Variants in PIGF observed in about 807,000 individuals in gnomAD.
PIGF encodes GPI ethanolamine phosphate transferase, stabilizing subunit.
Under a neutral mutation model 26.0 loss-of-function variants are expected in PIGF, and 23 were observed. The observed-to-expected ratio is 0.88, with a 90% confidence interval of 0.64 to 1.25. PIGF has a LOEUF of 1.25. Among genes scored for constraint, PIGF ranks in the 50% most tolerant of loss-of-function variants. The pLI, the probability that PIGF is intolerant of heterozygous loss-of-function variation, is 0.00. For missense variants in PIGF, 278 were observed against 249.9 expected (o/e 1.11, Z -0.76); for synonymous variants, 93 against 92.6 (o/e 1.00, Z -0.03).
chr2:46,610,771 C>T (rs1364047127), intron 4 of PIGF, among the ~76,000 whole-genome samples: 1 of 152,074 alleles, frequency 6.6e-6, no homozygotes, highest in Non-Finnish European at 1.5e-5. Context: ...CTCAGGTGAT[C>T]CACCCGCCTT....
At chr2:46,594,536 A>ATT (rs5830911) in intron 4 of PIGF, among the ~76,000 whole-genome samples, 1 of 145,016 alleles carries the variant, frequency 6.9e-6, no homozygotes, top group Non-Finnish European at 1.5e-5. Context: ...CAGAGTTAGG[A>ATT]TTTTTTTTTT....
At chr2:46,605,343 A>T (rs1371043009) in intron 4 of PIGF, among the ~76,000 whole-genome samples, 1 of 152,088 alleles carries the variant, frequency 6.6e-6, no homozygotes, top group East Asian at 1.9e-4. Flanking sequence ...TCAAAGTTCA[A>T]ATTAACTTCA....
intron 4 of PIGF, among the ~76,000 whole-genome samples, chr2:46,596,812 T>G (rs1384587450): frequency 6.6e-6 from 1 of 152,208 alleles, no homozygotes; most frequent in African/African-American, 2.4e-5. Flanking sequence ...TCTACAATGG[T>G]AACATCTCCT....
Position 46,588,295 on chromosome 2 carries a change from T to A in PIGF, c.546+4180A>T. On this transcript the variant is annotated intron_variant, in intron 5 of 5. Transcript: ENST00000281382. This position sits in a 1 kb window ranked among gnomAD's most constrained non-coding sequence, Gnocchi z 4.1. ...TCCACTCTACCAACTGAAAGACTGC[T>A]GGGCAGAAAAAATAAAACAACAAAC... is the stretch of plus-strand genomic sequence containing the variant. 1 of 1,310,198 alleles carries A rather than the reference T, an allele frequency of 7.6e-7. No homozygotes were observed. The highest frequency in any genetic ancestry group is 1.0e-6 in the Non-Finnish European group (1 of 980,378). The allele number at this position is 1,310,198 out of a possible 1,614,324, so 81.2% of individuals were successfully genotyped here.
rs759638044 is a variant in PIGF, at chr2:46,615,152, CG to C, written c.12del (p.Asn4LysfsTer19). The C allele has an allele frequency of 1.2e-5, 18 of 1,494,632 alleles. No homozygotes were observed. The Admixed American group carries it at 3.1e-4, about 25-fold the overall frequency. 92.6% of individuals were successfully genotyped at this position (1,494,632 alleles called of 1,614,324 possible). MKD[N>X]DIKRLLYTHL... is the part of the protein sequence containing the mutation. ...TGGGTATACAGTAGTCTCTTGATAT[CG>C]TTATCTTTCATGGTGTTTTCTTGGA... On this transcript the variant is annotated frameshift_variant, in exon 2 of 6. Transcript: ENST00000281382. LOFTEE classifies it high-confidence loss of function.
intron 5 of PIGF, among the ~76,000 whole-genome samples, chr2:46,586,446 T>C (rs1669574531): frequency 6.6e-6 from 1 of 152,180 alleles, no homozygotes; most frequent in Non-Finnish European, 1.5e-5. Context: ...TCCAATATAA[T>C]AAATATTACT....
At chr2:46,594,982 C>A (rs887565125) in intron 4 of PIGF, among the ~76,000 whole-genome samples, 4 of 151,486 alleles carry the variant, frequency 2.6e-5, no homozygotes, top group South Asian at 2.1e-4. Context: ...TCCCGAATAG[C>A]TGGGATTATA....
intron 4 of PIGF, among the ~76,000 whole-genome samples, chr2:46,594,587 G>A (rs982295720): frequency 4.0e-5 from 6 of 151,006 alleles, no homozygotes; most frequent in Non-Finnish European, 4.4e-5. Context: ...CCAGGCTGGA[G>A]TGTAATAGAG....
At chr2:46,599,687 CTTAA>C (rs1380554023) in intron 4 of PIGF, among the ~76,000 whole-genome samples, 19 of 152,080 alleles carry the variant, frequency 1.2e-4, no homozygotes, top group African/African-American at 4.6e-4. Context: ...CATCTTTGCT[CTTAA>C]TTTATTCAAT....
chr2:46,616,673 C>A (rs1387591811), intron 1 of PIGF: 1 of 155,690 alleles, frequency 6.4e-6, no homozygotes, highest in South Asian at 1.8e-4. Flanking sequence ...CCACCCCAAC[C>A]CGGGTCCCTC....
intron 5 of PIGF, among the ~76,000 whole-genome samples, chr2:46,591,205 T>C (rs962526136): frequency 6.6e-6 from 1 of 152,144 alleles, no homozygotes; most frequent in Non-Finnish European, 1.5e-5. Context: ...TAATCGAATA[T>C]TACATATATG....
At chr2:46,613,024 G>A (rs558318520) in intron 3 of PIGF, among the ~76,000 whole-genome samples, 5 of 148,076 alleles carry the variant, frequency 3.4e-5, no homozygotes, top group Non-Finnish European at 7.5e-5. Context: ...TTTAGTGTGT[G>A]TACGTAAAAC....
Position 46,615,086 on chromosome 2 carries a change from G to A in PIGF, c.79C>T (p.Pro27Ser), listed in dbSNP as rs185833649. 1.9e-4 allele frequency: 304 copies of A among 1,585,812 alleles called. 1 individual carries two copies. In the East Asian group the frequency reaches 3.4e-3, roughly 18 times the overall value. The change falls in exon 2 of 6, where the codon CCA becomes TCA. Residue 27 changes from proline (P) to serine (S), a missense_variant. Pro to Ser is a moderately conservative substitution (Grantham distance 74). Coordinates refer to ENST00000281382, the MANE Select transcript of PIGF (RefSeq NM_002643.4). ...IFSIILSVFIPSLFLENFSIL... is the reference protein window; with the variant it reads ...IFSIILSVFISSLFLENFSIL... The stretch of plus-strand genomic sequence containing the variant: ...GAGAAGTTCTCCAAGAAGAGTGATG[G>A]AATGAAGACACTTAGGATAATTGAA...
At chr2:46,586,188 CAGA>C (rs1230938978) in intron 5 of PIGF, among the ~76,000 whole-genome samples, 1 of 152,180 alleles carries the variant, frequency 6.6e-6, no homozygotes, top group Non-Finnish European at 1.5e-5. Context: ...ATCCTTACCT[CAGA>C]AGGTTACCCT....
chr2:46,586,715 C>T (rs1008052209), intron 5 of PIGF, among the ~76,000 whole-genome samples: 3 of 152,218 alleles, frequency 2.0e-5, no homozygotes, highest in Non-Finnish European at 4.4e-5. Flanking sequence ...TGCTGACCTA[C>T]TGGTTATAAA....
intron 4 of PIGF, among the ~76,000 whole-genome samples, chr2:46,610,003 T>C (rs73926523): frequency 3.3e-4 from 50 of 152,348 alleles, no homozygotes; most frequent in African/African-American, 1.2e-3. Flanking sequence ...CAGTATCTGA[T>C]CTGAGCAATA....
chr2:46,596,007 G>A (rs1415171508), intron 4 of PIGF, among the ~76,000 whole-genome samples: 1 of 152,098 alleles, frequency 6.6e-6, no homozygotes, highest in African/African-American at 2.4e-5. Context: ...AAGGTCAGGA[G>A]TTCGAGACCA....
chr2:46,615,625 ATATACT>A (rs1280565672), intron 1 of PIGF: 3 of 157,896 alleles, frequency 1.9e-5, no homozygotes, highest in Non-Finnish European at 2.8e-5. Flanking sequence ...AACTCCACAA[ATATACT>A]TAGGCTGAAT....
intron 4 of PIGF, among the ~76,000 whole-genome samples, chr2:46,597,264 G>A (rs1389681041): frequency 6.6e-6 from 1 of 152,040 alleles, no homozygotes; most frequent in East Asian, 1.9e-4. Context: ...ATAGATTCCT[G>A]AGAAAGGAAT....
Sources: allele counts gnomAD v4.1 joint callset (sites outside exome capture counted in the v4.1 genomes callset), GRCh38; gene constraint gnomAD v4.1.1; non-coding constraint Gnocchi (gnomAD v3.1); transcripts MANE v1.5; gene names NCBI Gene and HGNC (gene_info 2026-07-23, HGNC 2026-07-21).